Variants in PXDNL observed in about 807,000 individuals in gnomAD.
PXDNL encodes peroxidasin like, also known as probable oxidoreductase PXDNL.
Under a neutral mutation model 150.8 loss-of-function variants are expected in PXDNL, and 145 were observed. The ratio of observed to expected loss-of-function variants is 0.96; its 90% confidence interval spans 0.84 to 1.10. PXDNL has a LOEUF of 1.10. Ranked by LOEUF, PXDNL falls within the 50% of genes least tolerant of loss-of-function variation. PXDNL has a pLI of 0.00. For missense variants in PXDNL, 2,087 were observed against 1,873.9 expected, an observed-to-expected ratio of 1.11 and a Z score of -2.10; for synonymous variants, 757 against 725.7, an observed-to-expected ratio of 1.04 and a Z score of -0.69.
At chr8:51,400,517 GTTAAA>G (rs1173956348) in intron 17 of PXDNL, among the ~76,000 whole-genome samples, 1 of 152,134 alleles carries the variant, frequency 6.6e-6, no homozygotes, top group African/African-American at 2.4e-5. Flanking sequence ...ACTTTAAGGC[GTTAAA>G]TTATTTTGCA....
intron 2 of PXDNL, among the ~76,000 whole-genome samples, chr8:51,596,935 T>C (rs1255024374): frequency 6.6e-5 from 10 of 152,194 alleles, no homozygotes; most frequent in Admixed American, 6.5e-4. Flanking sequence ...TGATTTTTGT[T>C]TTCTTTGCAT....
chr8:51,789,308 T>C (rs550361080), intron 1 of PXDNL, among the ~76,000 whole-genome samples: 1 of 152,238 alleles, frequency 6.6e-6, no homozygotes, highest in South Asian at 2.1e-4. Flanking sequence ...AGATTTGTCC[T>C]CAGAATGCCC....
At chr8:51,548,286 A>C (rs1812405703) in intron 4 of PXDNL, among the ~76,000 whole-genome samples, 1 of 152,200 alleles carries the variant, frequency 6.6e-6, no homozygotes, top group Admixed American at 6.5e-5. Flanking sequence ...AATCAAGGAA[A>C]TCTTCCCTGA....
intron 4 of PXDNL, among the ~76,000 whole-genome samples, chr8:51,550,371 A>C (rs1812453843): frequency 6.6e-6 from 1 of 152,120 alleles, no homozygotes; most frequent in Non-Finnish European, 1.5e-5. Flanking sequence ...CGAGGAGATG[A>C]TGTAACAAAA....
At chr8:51,391,384 C>T (rs2130838977) in intron 17 of PXDNL, among the ~76,000 whole-genome samples, 1 of 152,212 alleles carries the variant, frequency 6.6e-6, no homozygotes, top group South Asian at 2.1e-4. Flanking sequence ...CCTATTTCTC[C>T]ACATCCTCTC....
intron 2 of PXDNL, among the ~76,000 whole-genome samples, chr8:51,644,318 T>TTTTATATATATATATATA (rs1814853098): frequency 4.7e-5 from 3 of 63,270 alleles, no homozygotes; most frequent in Non-Finnish European, 8.3e-5. Flanking sequence ...AGGCACATTT[T>TTTTATATATATATATATA]TACATATATA....
At position 51,779,105 on chromosome 8, in the gene PXDNL, A is replaced by C. The variant is rs181230755; in HGVS notation, c.164+30076T>G. ...TGTTAAAATAAATGACCACTAATGA[A>C]AAGGGGGTAGAGTAGAAAAGATAAT... On this transcript the variant is annotated intron_variant, in intron 1 of 22. Coordinates refer to ENST00000356297, the MANE Select transcript of PXDNL (RefSeq NM_144651.5). Among the ~76,000 whole-genome samples, 6 of 152,324 alleles carry C rather than the reference A, an allele frequency of 3.9e-5. No homozygotes were observed. In the East Asian group the frequency reaches 1.2e-3, roughly 29 times the overall value.
At chr8:51,621,329 A>G (rs1814246819) in intron 2 of PXDNL, among the ~76,000 whole-genome samples, 1 of 152,192 alleles carries the variant, frequency 6.6e-6, no homozygotes, top group Non-Finnish European at 1.5e-5. Context: ...TTGGTATTCT[A>G]AAACTATAGA....
chr8:51,573,198 G>C (rs1812982205), intron 3 of PXDNL, among the ~76,000 whole-genome samples: 2 of 151,874 alleles, frequency 1.3e-5, no homozygotes, highest in African/African-American at 4.8e-5. Flanking sequence ...GTCAACTGGG[G>C]ATCCTAGATC....
At chr8:51,446,427 T>C (rs557989085) in intron 12 of PXDNL, among the ~76,000 whole-genome samples, 15 of 152,360 alleles carry the variant, frequency 9.8e-5, no homozygotes, top group African/African-American at 3.1e-4. Flanking sequence ...CAGTAATTAA[T>C]AACAACCATT....
intron 2 of PXDNL, among the ~76,000 whole-genome samples, chr8:51,600,475 CT>C (rs1813681644): frequency 7.4e-6 from 1 of 134,934 alleles, no homozygotes; most frequent in African/African-American, 2.7e-5. Flanking sequence ...TAAATTATAT[CT>C]TATATAAATT....
chr8:51,730,577 T>C (rs1816899224), intron 1 of PXDNL, among the ~76,000 whole-genome samples: 1 of 152,202 alleles, frequency 6.6e-6, no homozygotes, highest in Non-Finnish European at 1.5e-5. Flanking sequence ...TGGCTAACCC[T>C]CTAATTCTCT....
rs60696948 is a variant in PXDNL, at chr8:51,380,127, T to TAA, written c.3558-5398_3558-5397dup. On this transcript the variant is annotated intron_variant, in intron 17 of 22. Transcript: ENST00000356297. Reference sequence around the variant, plus strand: ...CTAACACTAAGAATAGCTGACGAGCTAAAAAAAAAAAAATAACAAAAAAAC... The same window carrying TAA: ...CTAACACTAAGAATAGCTGACGAGCTAAAAAAAAAAAAAAATAACAAAAAAAC... 9.3e-3 allele frequency among the ~76,000 whole-genome samples: 1,388 copies of TAA among 149,654 alleles called. 15 individuals carry two copies. Among genetic ancestry groups the TAA allele is most frequent in the African/African-American group, 0.032 (1,280 of 40,518 alleles).
chr8:51,637,701 T>A lies in PXDNL; in HGVS notation c.236+16988A>T, dbSNP rs557040314. On this transcript the variant is annotated intron_variant, in intron 2 of 22. Coordinates refer to ENST00000356297, the MANE Select transcript of PXDNL (RefSeq NM_144651.5). ...AGCCTCCAAGAAATATGGGACTATG[T>A]GAAAAGACCAAATCTACATCTGATT... is the stretch of plus-strand genomic sequence containing the variant. Among the ~76,000 whole-genome samples the A allele has an allele frequency of 1.8e-3, 271 of 152,190 alleles. 1 individual carries two copies. Among genetic ancestry groups the A allele is most frequent in the African/African-American group, 6.3e-3 (262 of 41,536 alleles).
chr8:51,409,380 G>A lies in PXDNL; in HGVS notation c.2244C>T (p.Ala748=), dbSNP rs760371749. The A allele has an allele frequency of 1.3e-6, 2 of 1,585,544 alleles. No homozygotes were observed. Among genetic ancestry groups the A allele is most frequent in the Admixed American group, 1.8e-5 (1 of 55,204 alleles). The part of the protein sequence containing the change: ...QQPTWGAALT[A]FARLLQPAYR... ...AGGCTGGCTGCAGCAGGCGCGCGAA[G>A]GCGGTCAGCGCCGCGCCCCACGTGG... is the stretch of plus-strand genomic sequence containing the variant. The change falls in exon 17 of 23, where the codon GCC becomes GCT. Residue 748 remains alanine, a synonymous_variant. Transcript: ENST00000356297.
At chr8:51,742,181 T>C (rs2036914202) in intron 1 of PXDNL, among the ~76,000 whole-genome samples, 1 of 152,086 alleles carries the variant, frequency 6.6e-6, no homozygotes, top group East Asian at 1.9e-4. Context: ...TGCAGCACTA[T>C]TGAAATGACA....
In PXDNL at chr8:51,762,861, TATAG is replaced by T. The variant is rs546805460; in HGVS notation, c.164+46316_164+46319del. Reference sequence around the variant, plus strand: ...TGACTCTTTTCATCACCAGAAGCTATATAGATAATCAACCCCAGTCTCTCATCTT... The same window carrying T: ...TGACTCTTTTCATCACCAGAAGCTATATAATCAACCCCAGTCTCTCATCTT... On this transcript the variant is annotated intron_variant, in intron 1 of 22. Coordinates refer to ENST00000356297, the MANE Select transcript of PXDNL (RefSeq NM_144651.5). Among the ~76,000 whole-genome samples the T allele has an allele frequency of 3.3e-3, 498 of 152,210 alleles. 4 individuals are homozygous for T. The highest frequency in any genetic ancestry group is 0.012 in the African/African-American group (478 of 41,508).
chr8:51,658,165 A>C (rs1815191442), intron 1 of PXDNL, among the ~76,000 whole-genome samples: 1 of 152,046 alleles, frequency 6.6e-6, no homozygotes, highest in Non-Finnish European at 1.5e-5. Context: ...CAACATGACA[A>C]GACCCATCTC....
chr8:51,418,160 T>C (rs1330417141), intron 14 of PXDNL, among the ~76,000 whole-genome samples: 3 of 152,144 alleles, frequency 2.0e-5, no homozygotes, highest in South Asian at 2.1e-4. Flanking sequence ...ATAAAGCTAA[T>C]ACAAACATAC....
Sources: gnomAD v4.1 joint callset for allele counts (sites outside exome capture counted in the v4.1 genomes callset) on GRCh38, gnomAD v4.1.1 for gene constraint, MANE v1.5 for transcripts, NCBI Gene and HGNC (gene_info 2026-07-23, HGNC 2026-07-21) for gene names.